GYG2: variants seen among roughly 807,000 people sequenced by gnomAD.
The protein encoded by GYG2 is glycogenin-2.
GYG2 carries 29 observed loss-of-function variants against 29.4 expected under a neutral mutation model. The ratio of observed to expected loss-of-function variants is 0.99; its 90% CI spans 0.74 to 1.35. GYG2 has a LOEUF of 1.35. Ranked by LOEUF, GYG2 falls within the 40% of genes most tolerant of loss-of-function variation. The pLI is 0.00. For missense variants in GYG2, 370 were observed against 385.7 expected, an observed-to-expected ratio of 0.96 and a Z score of 0.34; for synonymous variants, 167 against 172.3, an observed-to-expected ratio of 0.97 and a Z score of 0.24.
chrX:2,874,797 A>G (rs75069845), intron 8 of GYG2, among the ~76,000 whole-genome samples: 8,129 of 111,578 alleles, frequency 0.073, 301 homozygotes, highest in East Asian at 0.2. Context: ...CCCAGCTGAC[A>G]TCACTCAAAA....
In GYG2 at chrX:2,875,846, A is replaced by G. The variant is rs2088579771; in HGVS notation, c.1075A>G (p.Ile359Val). 1 of 1,199,040 alleles carries G rather than the reference A, an allele frequency of 8.3e-7. No homozygotes were observed. The highest frequency in any genetic ancestry group is 1.7e-5 in the African/African-American group (1 of 57,371). The change falls in exon 9 of 11, where the codon ATA (isoleucine) becomes GTA (valine). Residue 359 changes from isoleucine (I) to valine (V), a missense_variant. Transcript: ENST00000398806. Reference sequence around the variant, plus strand: ...TCCTGAAACTGAGACTCCTGCCGTGATAACGTGTGACCCACTGTCCCAGCC... The same window carrying G: ...TCCTGAAACTGAGACTCCTGCCGTGGTAACGTGTGACCCACTGTCCCAGCC... ...ACPETETPAVITCDPLSQPSP... is the reference protein window; with the variant it reads ...ACPETETPAVVTCDPLSQPSP...
rs1325740611 is a variant in GYG2 at position 2,861,683 on chromosome X, T to A, written c.999T>A (p.Asp333Glu). The A allele has an allele frequency of 1.7e-5, 20 of 1,198,530 alleles. No individual in the cohort carries two copies. The highest frequency in any genetic ancestry group is 2.1e-5 in the Non-Finnish European group (19 of 888,528). The change falls in exon 8 of 11, where the codon GAT becomes GAA. Residue 333 changes from aspartate to glutamate, a missense_variant. Asp to Glu is a conservative substitution (Grantham distance 45, BLOSUM62 2). Coordinates refer to ENST00000398806, the MANE Select transcript of GYG2 (RefSeq NM_001079855.2). The part of the protein sequence containing the change: ...QGLPEPTQIV[D>E]ETLSLPEGRR... ...TTCCGGAGCCGACCCAGATAGTGGA[T>A]GAGACCCTGTCCCTACCTGAAGGAC...
At chrX:2,842,871 G>T in intron 2 of GYG2, 1 of 280,359 alleles carries the variant, frequency 3.6e-6, no homozygotes, top group South Asian at 3.6e-5. Context: ...CTGGAGTACA[G>T]TGGTGCAATC....
At chrX:2,837,838 TACACACAC>T (rs10578668) in intron 2 of GYG2, among the ~76,000 whole-genome samples, 29,905 of 100,007 alleles carry the variant, frequency 0.3, 3,432 homozygotes, top group East Asian at 0.42. Flanking sequence ...TGCAATTAAA[TACACACAC>T]ACACACACAC....
At chrX:2,870,258 C>G (rs773168098) in intron 8 of GYG2, among the ~76,000 whole-genome samples, 80 of 110,503 alleles carry the variant, frequency 7.2e-4, no homozygotes, top group Non-Finnish European at 1.3e-3. Context: ...CTAGAGTGCA[C>G]TGGTGCGATC....
intron 10 of GYG2, among the ~76,000 whole-genome samples, chrX:2,880,355 G>T (rs919714070): frequency 7.4e-5 from 8 of 108,763 alleles, no homozygotes; most frequent in African/African-American, 2.4e-4. Flanking sequence ...TTCATTTAAC[G>T]TAGTTTGGTT....
chrX:2,853,972 T>C lies in GYG2; in HGVS notation c.150-8T>C, dbSNP rs1569062568. The stretch of plus-strand genomic sequence containing the variant: ...GCTGTCCCACTATTTGGCACATGTC[T>C]GTTCCAGGGTCATCCTCTCGAAGGT... On this transcript the variant is annotated splice_polypyrimidine_tract_variant and splice_region_variant and intron_variant, in intron 3 of 10. Coordinates refer to ENST00000398806, the MANE Select transcript of GYG2 (RefSeq NM_001079855.2). The C allele has an allele frequency of 8.4e-7, 1 of 1,185,905 alleles. No homozygotes were observed. The highest frequency in any genetic ancestry group is 2.2e-5 in the Admixed American group (1 of 45,879).
chrX:2,843,323 T>G lies in GYG2; in HGVS notation c.118T>G (p.Leu40Val). The change falls in exon 3 of 11, where the codon TTG becomes GTG. Residue 40 changes from leucine (L) to valine (V), a missense_variant. Transcript: ENST00000398806. ...CAGGCTGACGAGGAAGCTGGTGGTGTTGATCACTCCTCAGGTGTCCAGCCT... is the reference window on the plus strand; with the variant it reads ...CAGGCTGACGAGGAAGCTGGTGGTGGTGATCACTCCTCAGGTGTCCAGCCT... ...RHRLTRKLVV[L>V]ITPQVSSLLR... is the part of the protein sequence containing the mutation. The G allele has an allele frequency of 8.3e-7, 1 of 1,200,132 alleles. No homozygotes were observed. Among genetic ancestry groups the G allele is most frequent in the African/African-American group, 1.7e-5 (1 of 57,502 alleles).
In GYG2 at chrX:2,847,733, A is replaced by AATAAATAAATAC. The variant is rs1555897644; in HGVS notation, c.149+4390_149+4391insCATAAATAAATA. Among the ~76,000 whole-genome samples, 8 of 105,042 alleles carry AATAAATAAATAC rather than the reference A, an allele frequency of 7.6e-5. No homozygotes were observed. In the East Asian group the frequency reaches 1.7e-3, roughly 23 times the overall value. The allele number at this position is 105,042 out of a possible 115,157, so 91.2% of individuals were successfully genotyped here. On this transcript the variant is annotated intron_variant, in intron 3 of 10. Coordinates refer to ENST00000398806, the MANE Select transcript of GYG2 (RefSeq NM_001079855.2). ...AAATAAATAAATAAATAAATAAATAAATAAATAAATAAATAAAAATCCACA... is the reference window on the plus strand; with the variant it reads ...AAATAAATAAATAAATAAATAAATAAATAAATAAATACATAAATAAATAAATAAAAATCCACA...
intron 8 of GYG2, among the ~76,000 whole-genome samples, chrX:2,875,122 T>C (rs908329023): frequency 8.9e-6 from 1 of 112,077 alleles, no homozygotes; most frequent in African/African-American, 3.2e-5. Context: ...ATTTCTCATT[T>C]GTATCACAGC....
chrX:2,879,767 G>A (rs1423606310), intron 10 of GYG2, among the ~76,000 whole-genome samples: 2 of 111,589 alleles, frequency 1.8e-5, no homozygotes, highest in Non-Finnish European at 3.8e-5. Context: ...AGTATAGAAC[G>A]GATGGATGGA....
intron 10 of GYG2, 105 bp downstream of exon 10, chrX:2,877,412 T>A (rs1404632779): frequency 5.4e-6 from 6 of 1,106,471 alleles, no homozygotes; most frequent in African/African-American, 1.9e-5. Context: ...TTCAGCCTCA[T>A]TTAACAAAAA....
At chrX:2,845,203 G>A (rs147520148) in intron 3 of GYG2, among the ~76,000 whole-genome samples, 33 of 33 alleles carry the variant, frequency 1, 16 homozygotes, top group Non-Finnish European at 1. Flanking sequence ...TTATATACAC[G>A]TGTGTATGTA....
chrX:2,873,500 TA>T (rs2088522463), intron 8 of GYG2, among the ~76,000 whole-genome samples: 1 of 110,834 alleles, frequency 9.0e-6, no homozygotes, highest in Non-Finnish European at 1.9e-5. Context: ...TCACCTCGCA[TA>T]AATGCTGTTT....
At chrX:2,873,669 G>T (rs902723430) in intron 8 of GYG2, among the ~76,000 whole-genome samples, 6 of 111,247 alleles carry the variant, frequency 5.4e-5, no homozygotes, top group Non-Finnish European at 1.1e-4. Context: ...TAGATCCCCA[G>T]AACTTATTTA....
At chrX:2,845,097 T>A (rs868159562) in intron 3 of GYG2, among the ~76,000 whole-genome samples, 7 of 61,783 alleles carry the variant, frequency 1.1e-4, no homozygotes, top group African/African-American at 7.2e-4. Context: ...GTATGTATAT[T>A]TATATACACG....
At position 2,850,376 on chromosome X, in the gene GYG2, G is replaced by A. The variant is rs745836054; in HGVS notation, c.150-3604G>A. On this transcript the variant is annotated intron_variant, in intron 3 of 10. Coordinates refer to ENST00000398806, the MANE Select transcript of GYG2 (RefSeq NM_001079855.2). The stretch of plus-strand genomic sequence containing the variant: ...TGACTATATTTGATAGAAAATATAA[G>A]CTTAAATACGTGTGCTGACAGTTGA... Among the ~76,000 whole-genome samples, 6 of 111,875 alleles carry A rather than the reference G, an allele frequency of 5.4e-5. No individual in the cohort carries two copies. The East Asian group carries it at 1.7e-3, about 31-fold the overall frequency.
chrX:2,875,201 G>T (rs2088566153), intron 8 of GYG2, among the ~76,000 whole-genome samples: 1 of 111,645 alleles, frequency 9.0e-6, no homozygotes. Context: ...TCCTATTGTT[G>T]TGCACCACCT....
intron 3 of GYG2, among the ~76,000 whole-genome samples, chrX:2,851,277 G>A (rs904574221): frequency 9.4e-4 from 105 of 111,329 alleles, no homozygotes; most frequent in African/African-American, 3.3e-3. Flanking sequence ...ACAGAGCCTC[G>A]CTCTGTCGCC....
Sources: gnomAD v4.1 joint callset for allele counts (sites outside exome capture counted in the v4.1 genomes callset) on GRCh38, gnomAD v4.1.1 for gene constraint, MANE v1.5 for transcripts, NCBI Gene and HGNC (gene_info 2026-07-23, HGNC 2026-07-21) for gene names.